SPRY3: variants seen among roughly 807,000 people sequenced by gnomAD.
SPRY3 encodes protein sprouty homolog 3.
Under a neutral mutation model 20.2 loss-of-function variants are expected in SPRY3, and 15 were observed. The ratio of observed to expected loss-of-function variants is 0.74; its 90% CI spans 0.50 to 1.14. SPRY3 has a LOEUF of 1.14. Among genes scored for constraint, SPRY3 ranks in the 50% most tolerant of loss-of-function variants. The pLI, the probability that SPRY3 is intolerant of heterozygous loss-of-function variation, is 0.00. For missense variants in SPRY3, 364 were observed against 363.9 expected, an observed-to-expected ratio of 1.00 and a Z score of 0.00; for synonymous variants, 143 against 136.5, an observed-to-expected ratio of 1.05 and a Z score of -0.33.
intron 2 of SPRY3, among the ~76,000 whole-genome samples, chrX:155,746,553 G>T (rs1455438431): frequency 2.0e-5 from 3 of 151,908 alleles, no homozygotes; most frequent in Non-Finnish European, 4.4e-5. Context: ...CTCTATTCAT[G>T]AGTGTAAAGG....
Position 155,762,675 on chromosome X carries a change from G to A in SPRY3, c.-281-5287G>A, listed in dbSNP as rs184475895. Among the ~76,000 whole-genome samples, 518 of 152,186 alleles carry A rather than the reference G, an allele frequency of 3.4e-3. 7 individuals are homozygous for A. The Middle Eastern group carries it at 0.099, about 29-fold the overall frequency. The stretch of plus-strand genomic sequence containing the variant: ...ATTGAGGTTGGTCTCACACCAGTCC[G>A]AATGGCTATTATTAAGAAGTCAAAA... On this transcript the variant is annotated intron_variant, in intron 2 of 3. Coordinates refer to ENST00000675360, the Ensembl canonical transcript of SPRY3.
At chrX:155,767,761 G>GAGGAGT (rs2091349275) in intron 2 of SPRY3, 1 of 140,050 alleles carries the variant, frequency 7.1e-6, no homozygotes, top group Admixed American at 6.9e-5. Flanking sequence ...GGAGAGAGAG[G>GAGGAGT]AGGAGGAGGA....
At chrX:155,639,947 A>G (rs1200810959) in intron 1 of SPRY3, among the ~76,000 whole-genome samples, 1 of 112,361 alleles carries the variant, frequency 8.9e-6, no homozygotes, top group Non-Finnish European at 1.9e-5. Context: ...TTTGATTTGT[A>G]TTTCACTGAT....
intron 2 of SPRY3, among the ~76,000 whole-genome samples, chrX:155,745,801 T>C (rs1335159292): frequency 2.0e-5 from 3 of 152,088 alleles, no homozygotes; most frequent in Non-Finnish European, 4.4e-5. Flanking sequence ...ATTAATATTG[T>C]TATTTTCATG....
chrX:155,629,178 G>C (rs2067898129), intron 1 of SPRY3, among the ~76,000 whole-genome samples: 1 of 72,744 alleles, frequency 1.4e-5, no homozygotes, highest in Admixed American at 2.2e-4. Context: ...CATGACAGAC[G>C]CCGGTGTGTG....
intron 3 of SPRY3, among the ~76,000 whole-genome samples, chrX:155,768,637 A>AGGCAGACACGGCAGAACCT (rs1160781666): frequency 6.6e-6 from 1 of 152,144 alleles, no homozygotes; most frequent in Non-Finnish European, 1.5e-5. Context: ...ACATGGCGCA[A>AGGCAGACACGGCAGAACCT]GCTGACACGG....
rs944028704 is a variant in SPRY3, at chrX:155,672,163, T to G, written c.-282+15138T>G. Among the ~76,000 whole-genome samples, 26 of 111,264 alleles carry G rather than the reference T, an allele frequency of 2.3e-4. No individual in the cohort carries two copies. In the East Asian group the frequency reaches 7.1e-3, roughly 30 times the overall value. On this transcript the variant is annotated intron_variant, in intron 2 of 3. Coordinates refer to ENST00000675360, the Ensembl canonical transcript of SPRY3. ...GTGGTTCCATATGAACTTTAAAGTA[T>G]TTTTTTCCAATTCTGTGAAGAAAGT...
chrX:155,724,399 C>G (rs113147064), intron 2 of SPRY3, among the ~76,000 whole-genome samples: 2 of 152,102 alleles, frequency 1.3e-5, no homozygotes, highest in African/African-American at 4.8e-5. Flanking sequence ...TCATGATATT[C>G]ATTCTTCCTA....
At chrX:155,749,108 C>T (rs1270006559) in intron 2 of SPRY3, among the ~76,000 whole-genome samples, 2 of 151,816 alleles carry the variant, frequency 1.3e-5, no homozygotes, top group Non-Finnish European at 2.9e-5. Context: ...ACCTTGGATC[C>T]ATAAAATAAA....
intron 2 of SPRY3, among the ~76,000 whole-genome samples, chrX:155,766,832 G>A (rs2091333592): frequency 6.6e-6 from 1 of 152,176 alleles, no homozygotes; most frequent in Admixed American, 6.5e-5. Context: ...GTTGTTGAAT[G>A]CATGCCATGC....
intron 1 of SPRY3, among the ~76,000 whole-genome samples, chrX:155,628,007 A>G (rs1557350101): frequency 1.8e-5 from 2 of 111,503 alleles, no homozygotes; most frequent in African/African-American, 3.3e-5. Flanking sequence ...TTATGGCTGC[A>G]TAGTATTCCA....
chrX:155,629,431 C>T (rs1381926904), intron 1 of SPRY3, among the ~76,000 whole-genome samples: 1 of 110,678 alleles, frequency 9.0e-6, no homozygotes, highest in Non-Finnish European at 1.9e-5. Flanking sequence ...GTTGGTTCCA[C>T]GTCTTTGCTA....
At chrX:155,660,986 G>T (rs1414402800) in intron 2 of SPRY3, among the ~76,000 whole-genome samples, 4 of 111,103 alleles carry the variant, frequency 3.6e-5, no homozygotes, top group Non-Finnish European at 7.6e-5. Context: ...CATTCCACTA[G>T]TCAATATCTT....
chrX:155,654,731 G>A (rs1363683018), intron 1 of SPRY3, among the ~76,000 whole-genome samples: 1 of 74,217 alleles, frequency 1.3e-5, no homozygotes, highest in Non-Finnish European at 2.8e-5. Flanking sequence ...GTGTGTGTGT[G>A]TGTATAATAT....
At chrX:155,670,602 T>G (rs143293599) in intron 2 of SPRY3, among the ~76,000 whole-genome samples, 1,331 of 111,981 alleles carry the variant, frequency 0.012, 22 homozygotes, top group African/African-American at 0.041. Context: ...GACATTAGAG[T>G]AGAATGTTTC....
intron 2 of SPRY3, among the ~76,000 whole-genome samples, chrX:155,688,755 A>G (rs1463892375): frequency 9.7e-6 from 1 of 103,589 alleles, no homozygotes; most frequent in African/African-American, 3.7e-5. Flanking sequence ...ATAGGTAAAC[A>G]TGTGCCATGG....
intron 2 of SPRY3, among the ~76,000 whole-genome samples, chrX:155,680,065 C>G (rs1444372396): frequency 9.2e-6 from 1 of 108,214 alleles, no homozygotes; most frequent in Admixed American, 1.0e-4. Flanking sequence ...ACAGTTCTTG[C>G]AGGGTTCAAG....
chrX:155,724,772 A>G (rs1007797536), intron 2 of SPRY3, among the ~76,000 whole-genome samples: 16 of 152,158 alleles, frequency 1.1e-4, no homozygotes, highest in African/African-American at 3.9e-4. Flanking sequence ...AAACAGGGAC[A>G]ATTTGACTTC....
intron 1 of SPRY3, among the ~76,000 whole-genome samples, chrX:155,614,764 T>C (rs4893085): frequency 0.026 from 2,854 of 110,742 alleles, 100 homozygotes; most frequent in Admixed American, 0.13. Flanking sequence ...CCTCTCTCTG[T>C]GTGTGTGTGT....
Sources: gnomAD v4.1 joint callset for allele counts (sites outside exome capture counted in the v4.1 genomes callset) on GRCh38, gnomAD v4.1.1 for gene constraint, MANE v1.5 for transcripts, NCBI Gene and HGNC (gene_info 2026-07-23, HGNC 2026-07-21) for gene names.